The following ANKRD55 variants were observed in gnomAD, a reference collection of about 807,000 sequenced individuals.
ANKRD55 encodes the protein ankyrin repeat domain-containing protein 55.
A neutral mutation model predicts 60.6 loss-of-function variants in ANKRD55; 41 were observed. That is an observed-to-expected ratio of 0.68 (90% confidence interval 0.53 to 0.88). The LOEUF (loss-of-function observed/expected upper bound fraction) is 0.88. Ranked by LOEUF, ANKRD55 falls within the 40% of genes least tolerant of loss-of-function variation. The pLI, the probability that ANKRD55 is intolerant of heterozygous loss-of-function variation, is 0.00. For missense variants in ANKRD55, 732 were observed against 767.6 expected, an observed-to-expected ratio of 0.95 and a Z score of 0.55; for synonymous variants, 264 against 290.3, an observed-to-expected ratio of 0.91 and a Z score of 0.92.
In ANKRD55 at chr5:56,150,116, A is replaced by G. The variant is rs2111773379; in HGVS notation, c.484-6187T>C. Among the ~76,000 whole-genome samples the G allele has an allele frequency of 2.0e-5, 3 of 152,296 alleles. No individual in the cohort carries two copies. The South Asian group carries it at 6.2e-4, about 32-fold the overall frequency. ...TGGCCTCCCAAAGTGCTAGGATTACAGGCGTGAGCCACTGCGCCCGGCCTA... is the reference window on the plus strand; with the variant it reads ...TGGCCTCCCAAAGTGCTAGGATTACGGGCGTGAGCCACTGCGCCCGGCCTA... On this transcript the variant is annotated intron_variant, in intron 6 of 11. Coordinates refer to ENST00000341048, the MANE Select transcript of ANKRD55 (RefSeq NM_024669.3).
intron 9 of ANKRD55, among the ~76,000 whole-genome samples, chr5:56,115,778 T>A (rs2399643): frequency 0.21 from 31,754 of 152,172 alleles, 5,336 homozygotes; most frequent in African/African-American, 0.46. Flanking sequence ...ATTTATGTTC[T>A]CATGTAAATG....
chr5:56,137,104 A>G (rs1200037517), intron 7 of ANKRD55: 1 of 1,115,972 alleles, frequency 9.0e-7, no homozygotes, highest in African/African-American at 1.5e-5. Context: ...CATATATGAA[A>G]AGCCACAAAG....
At position 56,133,991 on chromosome 5, in the gene ANKRD55, G is replaced by A. The variant is rs1757491133; in HGVS notation, c.613-6885C>T. Among the ~76,000 whole-genome samples, 2 of 112,928 alleles carry A rather than the reference G, an allele frequency of 1.8e-5. 1 individual carries two copies. Among genetic ancestry groups the A allele is most frequent in the African/African-American group, 5.7e-5 (2 of 34,824 alleles). The allele number at this position is 112,928 out of a possible 152,430, so 74.1% of individuals were successfully genotyped here. A position where few individuals can be genotyped will look rare whatever the true frequency, so the allele number is the denominator to read the frequency against. On this transcript the variant is annotated intron_variant, in intron 7 of 11. Transcript: ENST00000341048. ...TGAAGTAGAAAACAGAAAATCAATAGAGAAAATCAATGAAACCAAAAGCTG... is the reference window on the plus strand; with the variant it reads ...TGAAGTAGAAAACAGAAAATCAATAAAGAAAATCAATGAAACCAAAAGCTG...
At position 56,189,692 on chromosome 5, in the gene ANKRD55, T is replaced by C. The variant is rs114366639; in HGVS notation, c.59-6058A>G. Among the ~76,000 whole-genome samples, 797 of 152,386 alleles carry C rather than the reference T, an allele frequency of 5.2e-3. 9 individuals are homozygous for C. The highest frequency in any genetic ancestry group is 6.8e-3 in the Non-Finnish European group (464 of 68,044). On this transcript the variant is annotated intron_variant, in intron 2 of 11. Transcript: ENST00000341048. ...TAAGATTTAATAATATTTAATTGTA[T>C]GTATGCATCACATTTTGTTTATTCA... is the stretch of plus-strand genomic sequence containing the variant.
chr5:56,138,715 T>C (rs1757675416), intron 7 of ANKRD55, among the ~76,000 whole-genome samples: 1 of 152,204 alleles, frequency 6.6e-6, no homozygotes, highest in African/African-American at 2.4e-5. Flanking sequence ...TGTAAATGCA[T>C]ATTACTAGAC....
intron 8 of ANKRD55, among the ~76,000 whole-genome samples, chr5:56,119,206 C>A (rs1245294568): frequency 1.3e-5 from 2 of 152,206 alleles, no homozygotes; most frequent in Non-Finnish European, 2.9e-5. Context: ...AACTGTGGTT[C>A]ATCCTATTCC....
chr5:56,192,976 A>G, intron 2 of ANKRD55: 2 of 769,382 alleles, frequency 2.6e-6, no homozygotes, highest in Non-Finnish European at 4.1e-6. Flanking sequence ...GAGATGAGCT[A>G]TACTGGAAAA....
intron 8 of ANKRD55, among the ~76,000 whole-genome samples, chr5:56,122,962 C>T (rs542806845): frequency 2.0e-5 from 3 of 151,888 alleles, no homozygotes; most frequent in Admixed American, 1.3e-4. Flanking sequence ...GATGGGGTTT[C>T]GCCATGTTGC....
At chr5:56,118,862 A>G (rs961273840) in intron 8 of ANKRD55, among the ~76,000 whole-genome samples, 34 of 152,134 alleles carry the variant, frequency 2.2e-4, no homozygotes. Flanking sequence ...GAAGATGGCT[A>G]AAATAAGAAA....
intron 3 of ANKRD55, 46 bp downstream of exon 3, chr5:56,183,466 A>G (rs66547356): frequency 0.054 from 86,835 of 1,606,502 alleles, 3,556 homozygotes; most frequent in African/African-American, 0.21. Context: ...CATCTCTAAA[A>G]AAATAGAGCA....
At chr5:56,120,862 G>A (rs1295046336) in intron 8 of ANKRD55, among the ~76,000 whole-genome samples, 1 of 144,776 alleles carries the variant, frequency 6.9e-6, no homozygotes, top group Non-Finnish European at 1.5e-5. Context: ...TCGCGCCACT[G>A]CTACTCTAGC....
At chr5:56,142,288 C>T (rs982929233) in intron 7 of ANKRD55, among the ~76,000 whole-genome samples, 3 of 152,064 alleles carry the variant, frequency 2.0e-5, no homozygotes, top group Non-Finnish European at 4.4e-5. Context: ...GAGCTGAGAT[C>T]GCACCACTGC....
intron 7 of ANKRD55, 166 bp from the exon 8 acceptor site, chr5:56,127,272 C>G (rs147248482): frequency 2.1e-6 from 2 of 972,286 alleles, no homozygotes; most frequent in South Asian, 4.9e-5. Flanking sequence ...TACACTCTAT[C>G]TAAGCTCTCC....
chr5:56,102,466 G>GTTA, intron 11 of ANKRD55, 28 bp downstream of exon 11: 1 of 1,462,750 alleles, frequency 6.8e-7, no homozygotes, highest in African/African-American at 1.4e-5. Context: ...ACTTGCAAAG[G>GTTA]AAGCTGCGGA....
intron 2 of ANKRD55, among the ~76,000 whole-genome samples, chr5:56,227,544 A>T (rs1760150614): frequency 6.6e-6 from 1 of 152,196 alleles, no homozygotes; most frequent in Non-Finnish European, 1.5e-5. Context: ...GAACTTTAAA[A>T]ATCCACAACA....
chr5:56,129,667 G>A (rs767734400), intron 7 of ANKRD55, among the ~76,000 whole-genome samples: 21 of 152,156 alleles, frequency 1.4e-4, no homozygotes, highest in Non-Finnish European at 2.6e-4. Context: ...GGAGTCTAGT[G>A]GGCGATTTAA....
At chr5:56,208,469 G>A (rs1759572646) in intron 2 of ANKRD55, among the ~76,000 whole-genome samples, 1 of 151,948 alleles carries the variant, frequency 6.6e-6, no homozygotes, top group South Asian at 2.1e-4. Context: ...CTGTTACCCA[G>A]GCTGGAGTGC....
chr5:56,211,688 A>G (rs948023650), intron 2 of ANKRD55, among the ~76,000 whole-genome samples: 2 of 152,158 alleles, frequency 1.3e-5, no homozygotes, highest in Non-Finnish European at 2.9e-5. Flanking sequence ...TTCACATTCC[A>G]TTCTCACTGA....
At chr5:56,156,491 T>C (rs1758197819) in intron 6 of ANKRD55, among the ~76,000 whole-genome samples, 1 of 152,238 alleles carries the variant, frequency 6.6e-6, no homozygotes, top group Admixed American at 6.5e-5. Flanking sequence ...ATGTCTTTGC[T>C]GGGGGGTTGC....
Sources: gnomAD v4.1 joint callset for allele counts (sites outside exome capture counted in the v4.1 genomes callset) on GRCh38, gnomAD v4.1.1 for gene constraint, MANE v1.5 for transcripts, NCBI Gene and HGNC (gene_info 2026-07-23, HGNC 2026-07-21) for gene names.